FAM167A: variants seen among roughly 807,000 people sequenced by gnomAD.
FAM167A encodes the protein protein FAM167A.
In FAM167A, 23 loss-of-function variants were observed where a neutral mutation model predicts 14.9. The ratio of observed to expected loss-of-function variants is 1.55; its 90% CI spans 1.11 to 2.19. The LOEUF is 2.19. FAM167A is among the 30% of genes most tolerant of loss of function. FAM167A has a pLI of 0.00. For synonymous variants in FAM167A, 174 were observed against 117.7 expected, an observed-to-expected ratio of 1.48 and a Z score of -3.10; for missense variants, 401 against 281.5, an observed-to-expected ratio of 1.42 and a Z score of -3.04.
At chr8:11,452,372 C>T (rs1807061972) in intron 1 of FAM167A, among the ~76,000 whole-genome samples, 1 of 152,230 alleles carries the variant, frequency 6.6e-6, no homozygotes, top group Non-Finnish European at 1.5e-5. Context: ...AGCTGGGCTA[C>T]AGCCGGACAT....
chr8:11,468,554 C>A (rs1807858028), upstream of FAM167A, among the ~76,000 whole-genome samples: 1 of 152,234 alleles, frequency 6.6e-6, no homozygotes. Flanking sequence ...GAGCCTCAAT[C>A]TGGACTTGGG....
chr8:11,472,435 GGGTTT>G (rs1807988588), upstream of FAM167A, among the ~76,000 whole-genome samples: 1 of 119,040 alleles, frequency 8.4e-6, no homozygotes, highest in Non-Finnish European at 1.7e-5. Flanking sequence ...TTTGTTTTTT[GGGTTT>G]TTTTTTTTTT....
At chr8:11,440,695 C>A (rs1806384656) in intron 2 of FAM167A, among the ~76,000 whole-genome samples, 1 of 152,218 alleles carries the variant, frequency 6.6e-6, no homozygotes, top group Non-Finnish European at 1.5e-5. Flanking sequence ...AAGGGAATTA[C>A]AGATTTCTAA....
chr8:11,438,792 G>A, intron 2 of FAM167A: 2 of 314,252 alleles, frequency 6.4e-6, no homozygotes, highest in Non-Finnish European at 1.2e-5. Context: ...GGGCTATGCA[G>A]AGAAGACTTA....
At chr8:11,464,479 C>T (rs1807674426) in intron 1 of FAM167A, among the ~76,000 whole-genome samples, 2 of 152,182 alleles carry the variant, frequency 1.3e-5, no homozygotes, top group South Asian at 2.1e-4. Context: ...TGTAGCCCAT[C>T]CTCAGCCCCT....
chr8:11,457,541 T>G (rs894854713), intron 1 of FAM167A, among the ~76,000 whole-genome samples: 1 of 152,110 alleles, frequency 6.6e-6, no homozygotes, highest in Non-Finnish European at 1.5e-5. Context: ...CCCTTGAGGA[T>G]GCCAGCTCCT....
upstream of FAM167A, among the ~76,000 whole-genome samples, chr8:11,471,823 G>A (rs1807970975): frequency 6.6e-6 from 1 of 152,118 alleles, no homozygotes; most frequent in Non-Finnish European, 1.5e-5. Flanking sequence ...TCAGGCCTGT[G>A]TGGCCTCTTC....
chr8:11,461,393 C>T (rs1181436881), intron 1 of FAM167A, among the ~76,000 whole-genome samples: 2 of 152,272 alleles, frequency 1.3e-5, no homozygotes, highest in African/African-American at 4.8e-5. Context: ...CAGCCTGCTG[C>T]CGCCCCGCCA....
intron 2 of FAM167A, chr8:11,434,790 CAGAG>C (rs1324959418): frequency 1.2e-5 from 4 of 340,884 alleles, no homozygotes; most frequent in Non-Finnish European, 2.3e-5. Context: ...GTGCCCTACA[CAGAG>C]AGAGGATGCT....
chr8:11,459,964 G>A (rs1054228564), intron 1 of FAM167A, among the ~76,000 whole-genome samples: 4 of 152,194 alleles, frequency 2.6e-5, no homozygotes, highest in Admixed American at 1.3e-4. Flanking sequence ...CTGACATCAG[G>A]TGATCTGCCT....
Position 11,424,455 on chromosome 8 carries a change from G to T in FAM167A, c.563C>A (p.Ser188Tyr), listed in dbSNP as rs139424835. 2 of 1,614,134 alleles carry T rather than the reference G, an allele frequency of 1.2e-6. No homozygotes were observed. The highest frequency in any genetic ancestry group is 1.7e-6 in the Non-Finnish European group (2 of 1,180,010). The change falls in exon 3 of 3, where the codon TCC becomes TAC. Residue 188 changes from serine to tyrosine, a missense_variant. By Grantham distance (144) the Ser-to-Tyr change is moderately radical (BLOSUM62 -2). Coordinates refer to ENST00000284486, the MANE Select transcript of FAM167A (RefSeq NM_053279.3). ...ADLFCDSPLA[S>Y]SFSLSTPLKL... Reference sequence around the variant, plus strand: ...GAGTGGTGTGGAGAGGCTGAAGGAGGAGGCAAGAGGGGAGTCACAGAAGAG... The same window carrying T: ...GAGTGGTGTGGAGAGGCTGAAGGAGTAGGCAAGAGGGGAGTCACAGAAGAG...
intron 1 of FAM167A, chr8:11,445,212 T>G (rs9792397): frequency 1.0e-6 from 1 of 984,768 alleles, no homozygotes; most frequent in East Asian, 1.1e-4. Context: ...CCACAGGTCT[T>G]TCCTCTCTGT....
intron 2 of FAM167A, among the ~76,000 whole-genome samples, chr8:11,426,719 A>C (rs1381740114): frequency 6.6e-6 from 1 of 152,136 alleles, no homozygotes; most frequent in Non-Finnish European, 1.5e-5. Context: ...AAACGATTGC[A>C]TTCTTTTGGG....
intron 2 of FAM167A, among the ~76,000 whole-genome samples, chr8:11,440,602 C>G (rs771869042): frequency 1.3e-5 from 2 of 152,230 alleles, no homozygotes; most frequent in Admixed American, 1.3e-4. Context: ...GGGAGAGCTG[C>G]TAGGTGGTCA....
intron 1 of FAM167A, among the ~76,000 whole-genome samples, chr8:11,456,631 G>C (rs1171697104): frequency 6.6e-6 from 1 of 151,960 alleles, no homozygotes. Flanking sequence ...ATATACGAGT[G>C]TGAGGTGGTT....
At chr8:11,437,524 G>C (rs1174192219) in intron 2 of FAM167A, among the ~76,000 whole-genome samples, 2 of 152,184 alleles carry the variant, frequency 1.3e-5, no homozygotes, top group African/African-American at 4.8e-5. Flanking sequence ...GGTAGAATCT[G>C]ACTTGAAGTT....
chr8:11,467,368 C>G (rs550225912), upstream of FAM167A: 39 of 152,502 alleles, frequency 2.6e-4, no homozygotes, highest in Non-Finnish European at 5.1e-4. Context: ...TGCATCAGAG[C>G]CCAGAGCTGC....
intron 1 of FAM167A, among the ~76,000 whole-genome samples, chr8:11,460,080 G>T (rs554848207): frequency 6.6e-6 from 1 of 152,330 alleles, no homozygotes; most frequent in African/African-American, 2.4e-5. Context: ...TGGCTCCTGG[G>T]CCAGTCCCAG....
At chr8:11,434,873 AG>A (rs1346757885) in intron 2 of FAM167A, 43 of 371,378 alleles carry the variant, frequency 1.2e-4, no homozygotes, top group Non-Finnish European at 1.2e-4. Flanking sequence ...TGTACACCCA[AG>A]GAAGACATTC....
Sources: gnomAD v4.1 joint callset for allele counts (sites outside exome capture counted in the v4.1 genomes callset) on GRCh38, gnomAD v4.1.1 for gene constraint, MANE v1.5 for transcripts, NCBI Gene and HGNC (gene_info 2026-07-23, HGNC 2026-07-21) for gene names.